Variants in LRRC4C observed in about 807,000 individuals in gnomAD.
LRRC4C encodes leucine rich repeat containing 4C.
LRRC4C carries 5 observed loss-of-function variants against 33.6 expected under a neutral mutation model. The observed-to-expected ratio is 0.15, with a 90% CI of 0.08 to 0.31. The LOEUF is 0.31. Among genes scored for constraint, LRRC4C ranks in the 10% least tolerant of loss-of-function variants. LRRC4C has a pLI of 1.00. For synonymous variants in LRRC4C, 329 were observed against 302.0 expected (o/e 1.09, Z -0.93); for missense variants, 560 against 796.7 (o/e 0.70, Z 3.58).
At chr11:40,521,182 T>C (rs1250867641) in intron 3 of LRRC4C, among the ~76,000 whole-genome samples, 1 of 152,212 alleles carries the variant, frequency 6.6e-6, no homozygotes, top group East Asian at 1.9e-4. Flanking sequence ...CTAATCATGC[T>C]AGCTCTGATA....
At chr11:41,413,498 C>CA (rs1211408721) in intron 1 of LRRC4C, among the ~76,000 whole-genome samples, 1 of 152,114 alleles carries the variant, frequency 6.6e-6, no homozygotes, top group Non-Finnish European at 1.5e-5. Flanking sequence ...ACCAAGAAAA[C>CA]AATATGACCA....
chr11:40,288,612 C>A (rs988943831), intron 4 of LRRC4C, among the ~76,000 whole-genome samples: 1 of 152,150 alleles, frequency 6.6e-6, no homozygotes, highest in Admixed American at 6.5e-5. Flanking sequence ...CTCAGAAAAC[C>A]ACTGGTGTGG....
chr11:40,837,886 CTATATA>C (rs67611635), intron 2 of LRRC4C, among the ~76,000 whole-genome samples: 7,316 of 148,894 alleles, frequency 0.049, 444 homozygotes, highest in African/African-American at 0.14. Context: ...GATGCTTAAA[CTATATA>C]TATATATATA....
intron 3 of LRRC4C, among the ~76,000 whole-genome samples, chr11:40,409,608 A>G (rs1950082389): frequency 6.6e-6 from 1 of 152,046 alleles, no homozygotes; most frequent in African/African-American, 2.4e-5. Flanking sequence ...TTTCTCACAA[A>G]CGACCAATAG....
chr11:40,211,186 G>A (rs538766598), intron 5 of LRRC4C, among the ~76,000 whole-genome samples: 1 of 152,244 alleles, frequency 6.6e-6, no homozygotes, highest in South Asian at 2.1e-4. Context: ...AGATTTCATT[G>A]TATCTTTCCC....
chr11:40,555,625 C>T (rs902342282), intron 3 of LRRC4C, among the ~76,000 whole-genome samples: 7 of 152,106 alleles, frequency 4.6e-5, no homozygotes, highest in Non-Finnish European at 7.4e-5. Context: ...TTCCCTGGGC[C>T]ACACTGGAAG....
intron 1 of LRRC4C, among the ~76,000 whole-genome samples, chr11:41,029,805 C>T (rs1315273888): frequency 1.3e-5 from 2 of 151,776 alleles, no homozygotes; most frequent in East Asian, 1.9e-4. Flanking sequence ...ACACTATAAT[C>T]ATTCAATATA....
chr11:40,266,052 C>CT (rs1408286268), intron 4 of LRRC4C, among the ~76,000 whole-genome samples: 5 of 152,152 alleles, frequency 3.3e-5, no homozygotes, highest in Non-Finnish European at 7.3e-5. Flanking sequence ...AATTCCAGCA[C>CT]TTTGGGAGGC....
intron 3 of LRRC4C, among the ~76,000 whole-genome samples, chr11:40,566,931 C>G (rs1315903364): frequency 2.0e-5 from 3 of 152,052 alleles, no homozygotes; most frequent in Non-Finnish European, 4.4e-5. Context: ...GTCTTTCTTA[C>G]AAACACAGAG....
intron 1 of LRRC4C, among the ~76,000 whole-genome samples, chr11:41,410,684 C>T (rs973029580): frequency 2.0e-5 from 3 of 152,044 alleles, no homozygotes; most frequent in African/African-American, 4.8e-5. Context: ...TCGTGATCCA[C>T]CCGCTTCGGC....
intron 1 of LRRC4C, among the ~76,000 whole-genome samples, chr11:41,154,201 T>A (rs1411698107): frequency 1.3e-5 from 2 of 152,110 alleles, no homozygotes; most frequent in Admixed American, 1.3e-4. Context: ...TTACTTTGCC[T>A]CCAAAAGAGA....
At chr11:40,238,556 A>G (rs1242750128) in intron 5 of LRRC4C, among the ~76,000 whole-genome samples, 1 of 152,210 alleles carries the variant, frequency 6.6e-6, no homozygotes, top group Non-Finnish European at 1.5e-5. Flanking sequence ...TATCAAAGGA[A>G]AGATATAAAA....
Position 40,528,846 on chromosome 11 carries a change from G to T in LRRC4C, c.-270+119296C>A, listed in dbSNP as rs1028953378. On this transcript the variant is annotated intron_variant, in intron 3 of 6. Coordinates refer to ENST00000528697, the MANE Select transcript of LRRC4C (RefSeq NM_001258419.2). The stretch of plus-strand genomic sequence containing the variant: ...TCCTGCCATTTGGAACAGCATGGAT[G>T]AACCTGATGGACACTATGCTAGGTA... Among the ~76,000 whole-genome samples, 50 of 152,162 alleles carry T rather than the reference G, an allele frequency of 3.3e-4. 2 individuals are homozygous for T.
chr11:41,021,187 GA>G (rs1855944437), intron 1 of LRRC4C, among the ~76,000 whole-genome samples: 1 of 139,192 alleles, frequency 7.2e-6, no homozygotes, highest in African/African-American at 2.7e-5. Flanking sequence ...GAGAGAGAGA[GA>G]GAGAGAGAGA....
chr11:41,330,881 C>A (rs1392285495), intron 1 of LRRC4C, among the ~76,000 whole-genome samples: 1 of 151,990 alleles, frequency 6.6e-6, no homozygotes, highest in Non-Finnish European at 1.5e-5. Context: ...CTTATTAAAA[C>A]CCTCTGAAAG....
chr11:40,440,866 ATT>A (rs58954858), intron 3 of LRRC4C, among the ~76,000 whole-genome samples: 368 of 148,880 alleles, frequency 2.5e-3, no homozygotes, highest in South Asian at 6.2e-3. Flanking sequence ...CCAGTAGGGA[ATT>A]TTTTTTTTTT....
intron 1 of LRRC4C, among the ~76,000 whole-genome samples, chr11:41,047,662 G>C (rs1019361550): frequency 2.6e-5 from 4 of 152,156 alleles, no homozygotes; most frequent in African/African-American, 9.7e-5. Context: ...CTCCAGAAAT[G>C]CTCATGACTC....
At chr11:41,382,421 T>C (rs1953191252) in intron 1 of LRRC4C, among the ~76,000 whole-genome samples, 1 of 152,100 alleles carries the variant, frequency 6.6e-6, no homozygotes, top group African/African-American at 2.4e-5. Context: ...CCTGCTTTAA[T>C]ATAAACAGAT....
chr11:40,631,735 G>A (rs1359596147), intron 3 of LRRC4C, among the ~76,000 whole-genome samples: 9 of 152,072 alleles, frequency 5.9e-5, no homozygotes, highest in African/African-American at 1.9e-4. Flanking sequence ...TATTATCTGA[G>A]ATCCAAAGTA....
Sources: gnomAD v4.1 joint callset for allele counts (sites outside exome capture counted in the v4.1 genomes callset) on GRCh38, gnomAD v4.1.1 for gene constraint, MANE v1.5 for transcripts, NCBI Gene and HGNC (gene_info 2026-07-23, HGNC 2026-07-21) for gene names.